Variants in RGL1 observed in about 807,000 individuals in gnomAD.
RGL1 encodes the protein ral guanine nucleotide dissociation stimulator like 1.
A neutral mutation model predicts 95.2 loss-of-function variants in RGL1; 24 were observed. That is an observed-to-expected ratio of 0.25 (90% CI 0.18 to 0.35). The LOEUF is 0.35. Among genes scored for constraint, RGL1 ranks in the 10% least tolerant of loss-of-function variants. The pLI is 1.00. For synonymous variants in RGL1, 329 were observed against 344.9 expected (o/e 0.95, Z 0.51); for missense variants, 715 against 936.3 (o/e 0.76, Z 3.08).
chr1:183,713,868 T>C (rs1655455701), intron 1 of RGL1, among the ~76,000 whole-genome samples: 1 of 152,238 alleles, frequency 6.6e-6, no homozygotes, highest in Admixed American at 6.5e-5. Flanking sequence ...GCTGTATCCC[T>C]AGGCCCTAGA....
At chr1:183,891,631 C>T (rs1572562471) in intron 8 of RGL1, among the ~76,000 whole-genome samples, 1 of 151,618 alleles carries the variant, frequency 6.6e-6, no homozygotes, top group African/African-American at 2.4e-5. Context: ...AGCAGTTATT[C>T]GTGGAAATTT....
intron 2 of RGL1, among the ~76,000 whole-genome samples, chr1:183,797,261 G>A (rs1185774941): frequency 3.3e-5 from 5 of 152,100 alleles, no homozygotes; most frequent in Non-Finnish European, 7.4e-5. Flanking sequence ...CCCAGGAGCC[G>A]GCAGTTGCAG....
intron 9 of RGL1, among the ~76,000 whole-genome samples, chr1:183,896,282 C>A (rs1377564439): frequency 2.6e-5 from 4 of 152,194 alleles, no homozygotes; most frequent in Non-Finnish European, 5.9e-5. Flanking sequence ...AACTCCTGGG[C>A]TCAAGCGACC....
At chr1:183,894,342 A>C (rs1667574338) in intron 9 of RGL1, among the ~76,000 whole-genome samples, 1 of 152,196 alleles carries the variant, frequency 6.6e-6, no homozygotes, top group Non-Finnish European at 1.5e-5. Context: ...TTAAATGCAG[A>C]AGTTACCCCC....
At chr1:183,658,745 C>A (rs1558138343) in intron 1 of RGL1, among the ~76,000 whole-genome samples, 2 of 152,140 alleles carry the variant, frequency 1.3e-5, no homozygotes. Flanking sequence ...TGAGAACGGG[C>A]AGACTGCCTC....
At chr1:183,783,805 G>A (rs1660021539) in intron 2 of RGL1, among the ~76,000 whole-genome samples, 1 of 152,226 alleles carries the variant, frequency 6.6e-6, no homozygotes, top group Admixed American at 6.5e-5. Flanking sequence ...GAGTGGGGAG[G>A]AGATTATGGA....
chr1:183,705,334 T>C (rs1299326854), intron 1 of RGL1, among the ~76,000 whole-genome samples: 1 of 152,012 alleles, frequency 6.6e-6, no homozygotes, highest in Non-Finnish European at 1.5e-5. Context: ...GGGTGCTTAT[T>C]TGTGCTTTCT....
At chr1:183,709,149 T>G (rs1655107633) in intron 1 of RGL1, among the ~76,000 whole-genome samples, 1 of 152,146 alleles carries the variant, frequency 6.6e-6, no homozygotes, top group Non-Finnish European at 1.5e-5. Context: ...AGGGGGTACG[T>G]GTCTTCTGCC....
At chr1:183,753,676 C>T (rs1255106826) in intron 2 of RGL1, among the ~76,000 whole-genome samples, 5 of 152,174 alleles carry the variant, frequency 3.3e-5, no homozygotes, top group African/African-American at 4.8e-5. Flanking sequence ...AGTATTAGCT[C>T]ATCTCTCAAG....
intron 2 of RGL1, among the ~76,000 whole-genome samples, chr1:183,843,234 A>G (rs191983239): frequency 1.5e-3 from 235 of 152,344 alleles, no homozygotes; most frequent in African/African-American, 5.6e-3. Flanking sequence ...TGATATTGTC[A>G]TTGATGTTCA....
chr1:183,722,064 T>C (rs1656040836), intron 1 of RGL1, among the ~76,000 whole-genome samples: 1 of 151,890 alleles, frequency 6.6e-6, no homozygotes, highest in African/African-American at 2.4e-5. Context: ...GACAGAACAC[T>C]AGGGAATACC....
intron 1 of RGL1, among the ~76,000 whole-genome samples, chr1:183,666,653 A>G (rs1652061286): frequency 6.6e-6 from 1 of 152,080 alleles, no homozygotes; most frequent in African/African-American, 2.4e-5. Context: ...CACGCCTGGC[A>G]GGAATTTTCC....
chr1:183,923,640 C>A (rs1428078925), intron 17 of RGL1, among the ~76,000 whole-genome samples: 3 of 152,112 alleles, frequency 2.0e-5, no homozygotes, highest in African/African-American at 7.2e-5. Flanking sequence ...TAATTAGAGA[C>A]AATACCCTGC....
At chr1:183,698,257 A>G (rs1654368622) in intron 1 of RGL1, among the ~76,000 whole-genome samples, 3 of 152,186 alleles carry the variant, frequency 2.0e-5, no homozygotes, top group Admixed American at 6.5e-5. Context: ...GCGTTCTGTA[A>G]CACCCCTTTT....
At chr1:183,709,032 G>C (rs1655099742) in intron 1 of RGL1, among the ~76,000 whole-genome samples, 1 of 152,306 alleles carries the variant, frequency 6.6e-6, no homozygotes, top group South Asian at 2.1e-4. Context: ...AATGGCATCA[G>C]CACCAAATGA....
At chr1:183,846,903 C>T (rs1392181229) in intron 2 of RGL1, among the ~76,000 whole-genome samples, 1 of 152,046 alleles carries the variant, frequency 6.6e-6, no homozygotes, top group Non-Finnish European at 1.5e-5. Context: ...AGTTTGAAAA[C>T]TTTCCATGGA....
At chr1:183,846,246 A>G (rs1192682991) in intron 2 of RGL1, among the ~76,000 whole-genome samples, 2 of 152,196 alleles carry the variant, frequency 1.3e-5, no homozygotes, top group Admixed American at 6.5e-5. Flanking sequence ...CTTTGGAGGG[A>G]CATGGATGAA....
intron 1 of RGL1, among the ~76,000 whole-genome samples, chr1:183,660,383 ACAC>A (rs1651525942): frequency 6.6e-6 from 1 of 150,662 alleles, no homozygotes; most frequent in African/African-American, 2.5e-5. Flanking sequence ...CAAATGCAAA[ACAC>A]AAAAAGGCAG....
intron 1 of RGL1, among the ~76,000 whole-genome samples, chr1:183,736,983 C>A (rs920460049): frequency 6.6e-6 from 1 of 151,870 alleles, no homozygotes; most frequent in Non-Finnish European, 1.5e-5. Flanking sequence ...AAAAAAATAA[C>A]GATTTGTGAG....
Sources: gnomAD v4.1 joint callset for allele counts (sites outside exome capture counted in the v4.1 genomes callset) on GRCh38, gnomAD v4.1.1 for gene constraint, MANE v1.5 for transcripts, NCBI Gene and HGNC (gene_info 2026-07-23, HGNC 2026-07-21) for gene names.